The following IMMP2L variants were observed in gnomAD, a reference collection of about 807,000 sequenced individuals.
IMMP2L encodes the protein inner mitochondrial membrane peptidase subunit 2, also known as mitochondrial inner membrane protease subunit 2.
Under a neutral mutation model 19.3 loss-of-function variants are expected in IMMP2L, and 18 were observed. The ratio of observed to expected loss-of-function variants is 0.93; its 90% CI spans 0.64 to 1.38. The LOEUF is 1.38. Among genes scored for constraint, IMMP2L ranks in the 40% most tolerant of loss-of-function variants. The pLI is 0.00. For missense variants in IMMP2L, 233 were observed against 218.2 expected (o/e 1.07, Z -0.43); for synonymous variants, 76 against 73.0 (o/e 1.04, Z -0.21).
At chr7:110,706,760 C>A (rs1347364145) in intron 5 of IMMP2L, among the ~76,000 whole-genome samples, 3 of 152,012 alleles carry the variant, frequency 2.0e-5, no homozygotes, top group Non-Finnish European at 4.4e-5. Context: ...TTGTCAGGTG[C>A]ATAGGTTGTG....
At chr7:110,875,463 T>C (rs138496644) in intron 5 of IMMP2L, among the ~76,000 whole-genome samples, 22 of 152,282 alleles carry the variant, frequency 1.4e-4, no homozygotes, top group African/African-American at 3.8e-4. Context: ...TTTTGTGAAG[T>C]AGAATTTCTC....
intron 3 of IMMP2L, among the ~76,000 whole-genome samples, chr7:110,991,512 TA>T (rs1250753028): frequency 1.3e-5 from 2 of 152,118 alleles, no homozygotes; most frequent in Admixed American, 6.6e-5. Context: ...ATGGTAACAT[TA>T]AAAACCCTCA....
At position 110,759,880 on chromosome 7, in the gene IMMP2L, T is replaced by C. The variant is rs147315441; in HGVS notation, c.409-96159A>G. ...ACTTCCTGGCAGAAGCAAAGTTGCT[T>C]ATTATTATTAGATTCATTCTTTCCC... On this transcript the variant is annotated intron_variant, in intron 5 of 5. Transcript: ENST00000405709. Among the ~76,000 whole-genome samples the C allele has an allele frequency of 6.1e-3, 928 of 152,228 alleles. 8 individuals are homozygous for C. The highest frequency in any genetic ancestry group is 0.017 in the African/African-American group (719 of 41,568).
At chr7:110,812,743 A>C (rs147085859) in intron 5 of IMMP2L, among the ~76,000 whole-genome samples, 3 of 152,060 alleles carry the variant, frequency 2.0e-5, no homozygotes, top group African/African-American at 4.8e-5. Flanking sequence ...ATTAACTCAT[A>C]ATGAGAACTC....
chr7:110,811,109 G>T (rs1354747194), intron 5 of IMMP2L, among the ~76,000 whole-genome samples: 4 of 151,830 alleles, frequency 2.6e-5, no homozygotes, highest in Admixed American at 6.6e-5. Flanking sequence ...GGATATTTTT[G>T]ATTTGCTTGA....
At chr7:110,789,959 G>A (rs994186923) in intron 5 of IMMP2L, among the ~76,000 whole-genome samples, 6 of 151,560 alleles carry the variant, frequency 4.0e-5, no homozygotes, top group Admixed American at 1.3e-4. Flanking sequence ...CACATCTTAT[G>A]CCCATGGATC....
At chr7:111,054,566 GT>G (rs1213421456) in intron 3 of IMMP2L, among the ~76,000 whole-genome samples, 6 of 152,322 alleles carry the variant, frequency 3.9e-5, no homozygotes, top group Admixed American at 6.5e-5. Flanking sequence ...ATGAGGTACA[GT>G]TTGTCTCAGA....
At chr7:110,811,549 C>T (rs950588749) in intron 5 of IMMP2L, among the ~76,000 whole-genome samples, 13 of 151,770 alleles carry the variant, frequency 8.6e-5, no homozygotes, top group Non-Finnish European at 1.6e-4. Context: ...TTATTTTTAT[C>T]CAGACAATTT....
chr7:111,189,947 A>T (rs1808692620), intron 3 of IMMP2L, among the ~76,000 whole-genome samples: 2 of 152,140 alleles, frequency 1.3e-5, no homozygotes, highest in Admixed American at 1.3e-4. Context: ...TGTTTATAAG[A>T]CAACTCTGAG....
chr7:111,489,509 C>T (rs1563258528), intron 2 of IMMP2L, among the ~76,000 whole-genome samples: 2 of 152,148 alleles, frequency 1.3e-5, no homozygotes, highest in Non-Finnish European at 2.9e-5. Flanking sequence ...GACACAACAA[C>T]AACCAGGGCA....
At chr7:111,358,890 T>C (rs906527617) in intron 3 of IMMP2L, among the ~76,000 whole-genome samples, 3 of 152,152 alleles carry the variant, frequency 2.0e-5, no homozygotes, top group Non-Finnish European at 4.4e-5. Flanking sequence ...GAGATAATCA[T>C]TGTCGACATA....
intron 5 of IMMP2L, among the ~76,000 whole-genome samples, chr7:110,770,324 C>T (rs1278371917): frequency 6.6e-6 from 1 of 151,984 alleles, no homozygotes; most frequent in Non-Finnish European, 1.5e-5. Context: ...TGCAATGTGC[C>T]CCCCAATATA....
At chr7:110,686,729 C>A (rs1459390547) in intron 5 of IMMP2L, among the ~76,000 whole-genome samples, 1 of 152,058 alleles carries the variant, frequency 6.6e-6, no homozygotes, top group African/African-American at 2.4e-5. Flanking sequence ...TCCATCCTCA[C>A]TGCCCTCATC....
intron 4 of IMMP2L, among the ~76,000 whole-genome samples, chr7:110,919,717 A>T (rs771350932): frequency 3.3e-5 from 5 of 152,150 alleles, no homozygotes; most frequent in Non-Finnish European, 7.3e-5. Context: ...TTGTGAGCTA[A>T]GGCATTAGGG....
intron 2 of IMMP2L, among the ~76,000 whole-genome samples, chr7:111,501,706 T>C (rs1190461715): frequency 2.0e-5 from 3 of 152,130 alleles, no homozygotes; most frequent in Non-Finnish European, 2.9e-5. Context: ...ACCCAGAATT[T>C]CATATCCAGC....
At chr7:111,134,613 T>C (rs1439759199) in intron 3 of IMMP2L, among the ~76,000 whole-genome samples, 1 of 152,126 alleles carries the variant, frequency 6.6e-6, no homozygotes, top group African/African-American at 2.4e-5. Flanking sequence ...ATATTTTTGC[T>C]ATGAAATTTT....
At chr7:111,306,606 CTGTGTGTGTGTG>C (rs71147473) in intron 3 of IMMP2L, among the ~76,000 whole-genome samples, 11,917 of 136,172 alleles carry the variant, frequency 0.088, 542 homozygotes, top group Admixed American at 0.11. Flanking sequence ...TCACTGGACT[CTGTGTGTGTGTG>C]TGTGTGTGTG....
chr7:111,102,170 A>T (rs550161419), intron 3 of IMMP2L, among the ~76,000 whole-genome samples: 1 of 151,704 alleles, frequency 6.6e-6, no homozygotes, highest in African/African-American at 2.4e-5. Context: ...AAAGTGACTT[A>T]CAGACATAAT....
chr7:110,756,986 T>A (rs557972568), intron 5 of IMMP2L, among the ~76,000 whole-genome samples: 3 of 152,124 alleles, frequency 2.0e-5, no homozygotes, highest in African/African-American at 7.2e-5. Context: ...TTATTGTATT[T>A]ACTATGTGCC....
Sources: gnomAD v4.1 joint callset for allele counts (sites outside exome capture counted in the v4.1 genomes callset) on GRCh38, gnomAD v4.1.1 for gene constraint, MANE v1.5 for transcripts, NCBI Gene and HGNC (gene_info 2026-07-23, HGNC 2026-07-21) for gene names.